The following ARMH1 variants were observed in gnomAD, a reference collection of about 807,000 sequenced individuals.
The protein encoded by ARMH1 is armadillo like helical domain containing 1, also known as armadillo-like helical domain containing protein 1.
Under a neutral mutation model 50.2 loss-of-function variants are expected in ARMH1, and 34 were observed. The ratio of observed to expected loss-of-function variants is 0.68; its 90% CI spans 0.51 to 0.90. The LOEUF is 0.90. ARMH1 is among the 40% of genes least tolerant of loss of function. The pLI is 0.00. For synonymous variants in ARMH1, 221 were observed against 224.2 expected, an observed-to-expected ratio of 0.99 and a Z score of 0.13; for missense variants, 538 against 553.9, an observed-to-expected ratio of 0.97 and a Z score of 0.29.
In ARMH1 at chr1:44,704,807, C is replaced by T. The variant is rs189132511; in HGVS notation, c.724+634C>T. On this transcript the variant is annotated intron_variant, in intron 6 of 11. Transcript: ENST00000535358. ...GATTACAGGCATGAGCCACTGCACC[C>T]GGCCAGGAGCTTTTATTTATTGAGA... 1.1e-3 allele frequency among the ~76,000 whole-genome samples: 171 copies of T among 151,456 alleles called. 1 individual carries two copies. The highest frequency in any genetic ancestry group is 3.7e-3 in the African/African-American group (152 of 41,254).
intron 6 of ARMH1, among the ~76,000 whole-genome samples, chr1:44,705,025 C>T (rs543394012): frequency 1.3e-5 from 2 of 150,538 alleles, no homozygotes; most frequent in African/African-American, 4.9e-5. Flanking sequence ...TTAGTGGAGA[C>T]GAGGTTTCGC....
Position 44,725,517 on chromosome 1 carries a change from G to A in ARMH1, c.*114G>A, listed in dbSNP as rs1021104151. 1.3e-5 allele frequency: 13 copies of A among 1,031,406 alleles called. No homozygotes were observed. In the African/African-American group the frequency reaches 1.6e-4, roughly 13 times the overall value. The allele number at this position is 1,031,406 out of a possible 1,614,324, so 63.9% of individuals were successfully genotyped here. A position where few individuals can be genotyped will look rare whatever the true frequency, so the allele number is the denominator to read the frequency against. On this transcript the variant is annotated 3_prime_UTR_variant, in exon 12 of 12. Coordinates refer to ENST00000535358, the MANE Select transcript of ARMH1 (RefSeq NM_001145636.2). ...TCCACTTGGCTCCAGGGGGGAGACGGGGATTAGGCATCCCAGAGGGGCAGA... is the reference window on the plus strand; with the variant it reads ...TCCACTTGGCTCCAGGGGGGAGACGAGGATTAGGCATCCCAGAGGGGCAGA...
chr1:44,697,718 G>A (rs1241027097), intron 3 of ARMH1, among the ~76,000 whole-genome samples: 2 of 152,122 alleles, frequency 1.3e-5, no homozygotes, highest in South Asian at 4.1e-4. Flanking sequence ...AGCCCCAAAC[G>A]AACTTCTGCA....
In ARMH1 at chr1:44,709,338, T is replaced by C. The variant is rs193198385; in HGVS notation, c.724+5165T>C. On this transcript the variant is annotated intron_variant, in intron 6 of 11. Transcript: ENST00000535358. ...ATGTCTAACAGACATCTTAAATTTA[T>C]GGCCAGAATTCTTGAGTTTCTTCCC... Among the ~76,000 whole-genome samples, 691 of 152,338 alleles carry C rather than the reference T, an allele frequency of 4.5e-3. 10 individuals are homozygous for C. Among genetic ancestry groups the C allele is most frequent in the South Asian group, 0.035 (171 of 4,830 alleles).
chr1:44,706,480 C>T (rs1646347937), intron 6 of ARMH1, among the ~76,000 whole-genome samples: 3 of 151,978 alleles, frequency 2.0e-5, no homozygotes, highest in Admixed American at 2.0e-4. Flanking sequence ...TCAGGAAGCC[C>T]GGGGAGGAGA....
At chr1:44,718,497 G>A (rs1464199237) in intron 6 of ARMH1, among the ~76,000 whole-genome samples, 1 of 152,260 alleles carries the variant, frequency 6.6e-6, no homozygotes, top group Non-Finnish European at 1.5e-5. Flanking sequence ...TGTCCGGTCT[G>A]CCATTTTGTC....
At chr1:44,702,948 A>C (rs1037528950) in intron 5 of ARMH1, among the ~76,000 whole-genome samples, 6 of 152,178 alleles carry the variant, frequency 3.9e-5, no homozygotes, top group African/African-American at 1.4e-4. Context: ...GCAGCAGCCC[A>C]TCAAAGGATG....
chr1:44,722,148 A>C (rs541535558), intron 6 of ARMH1, among the ~76,000 whole-genome samples: 2 of 152,248 alleles, frequency 1.3e-5, no homozygotes, highest in Non-Finnish European at 2.9e-5. Flanking sequence ...CGCCGGAACA[A>C]GAGTTCCTCT....
intron 6 of ARMH1, among the ~76,000 whole-genome samples, chr1:44,705,458 A>T (rs554469670): frequency 6.8e-4 from 104 of 152,082 alleles, no homozygotes; most frequent in African/African-American, 2.2e-3. Context: ...TCGCCACTGC[A>T]CTCCAGCCTG....
chr1:44,714,919 T>C (rs993182776), intron 6 of ARMH1, among the ~76,000 whole-genome samples: 2 of 152,002 alleles, frequency 1.3e-5, no homozygotes, highest in African/African-American at 4.8e-5. Context: ...ACAGTTTTAC[T>C]GTTTCCCAGG....
intron 2 of ARMH1, among the ~76,000 whole-genome samples, chr1:44,696,392 G>A (rs1645830617): frequency 6.6e-6 from 1 of 152,182 alleles, no homozygotes; most frequent in South Asian, 2.1e-4. Flanking sequence ...AATTTCTTAA[G>A]TGTTCTAAGA....
chr1:44,703,030 G>A (rs1646162013), intron 5 of ARMH1, among the ~76,000 whole-genome samples: 1 of 152,170 alleles, frequency 6.6e-6, no homozygotes, highest in Non-Finnish European at 1.5e-5. Flanking sequence ...TAGCAAAGGA[G>A]AAGACAGAGT....
intron 6 of ARMH1, among the ~76,000 whole-genome samples, chr1:44,708,040 G>A (rs1365567508): frequency 6.6e-6 from 1 of 152,224 alleles, no homozygotes; most frequent in African/African-American, 2.4e-5. Context: ...AACTCCAAAT[G>A]TAGAGAATGC....
chr1:44,690,181 G>A (rs957246719), intron 2 of ARMH1, among the ~76,000 whole-genome samples: 1 of 152,114 alleles, frequency 6.6e-6, no homozygotes, highest in Non-Finnish European at 1.5e-5. Flanking sequence ...TCATGCCACT[G>A]CACTCCAGCC....
intron 4 of ARMH1, among the ~76,000 whole-genome samples, chr1:44,700,462 A>C (rs1646025471): frequency 6.6e-6 from 1 of 151,974 alleles, no homozygotes; most frequent in Non-Finnish European, 1.5e-5. Context: ...TTAAAAATAC[A>C]AAAATTAGCC....
At chr1:44,679,219 T>C (rs1480618627) in intron 1 of ARMH1, among the ~76,000 whole-genome samples, 6 of 152,256 alleles carry the variant, frequency 3.9e-5, no homozygotes, top group Non-Finnish European at 7.3e-5. Flanking sequence ...ACTATTTTAA[T>C]TGGCTGCCAC....
At position 44,724,481 on chromosome 1, in the gene ARMH1, CG is replaced by C; in HGVS notation, c.921-53del. 1.3e-6 allele frequency: 2 copies of C among 1,512,202 alleles called. No homozygotes were observed. The highest frequency in any genetic ancestry group is 8.8e-7 in the Non-Finnish European group (1 of 1,133,204). 93.7% of individuals were successfully genotyped at this position (1,512,202 alleles called of 1,614,324 possible). A position where few individuals can be genotyped will look rare whatever the true frequency, so the allele number is the denominator to read the frequency against. ...GGGAGCGCTCCGTGCGCCGGGTGGGCGGGGGTGTGCGCCGGGTGAGCCCCAG... is the reference window on the plus strand; with the variant it reads ...GGGAGCGCTCCGTGCGCCGGGTGGGCGGGGTGTGCGCCGGGTGAGCCCCAG... On this transcript the variant is annotated intron_variant, in intron 8 of 11. Transcript: ENST00000535358. This position sits in a 1 kb window ranked among gnomAD's most constrained non-coding sequence, Gnocchi z 6.4.
chr1:44,721,611 TAGAC>T (rs1485907140), intron 6 of ARMH1, among the ~76,000 whole-genome samples: 3 of 151,958 alleles, frequency 2.0e-5, no homozygotes, highest in Non-Finnish European at 4.4e-5. Context: ...TACACAAAAT[TAGAC>T]AGGCTTATGA....
At chr1:44,713,475 A>G (rs1180532623) in intron 6 of ARMH1, among the ~76,000 whole-genome samples, 1 of 152,152 alleles carries the variant, frequency 6.6e-6, no homozygotes, top group Non-Finnish European at 1.5e-5. Context: ...TGTCCTGTAC[A>G]GCTTCATTGA....
Sources: allele counts gnomAD v4.1 joint callset (sites outside exome capture counted in the v4.1 genomes callset), GRCh38; gene constraint gnomAD v4.1.1; non-coding constraint Gnocchi (gnomAD v3.1); transcripts MANE v1.5; gene names NCBI Gene and HGNC (gene_info 2026-07-23, HGNC 2026-07-21).